Variants in AKAP13 observed in about 807,000 individuals in gnomAD.
The protein encoded by AKAP13 is A-kinase anchoring protein 13, also known as A-kinase anchor protein 13.
A neutral mutation model predicts 264.5 loss-of-function variants in AKAP13; 80 were observed. The observed-to-expected ratio is 0.30, with a 90% confidence interval of 0.25 to 0.36. The LOEUF is 0.36. Among genes scored for constraint, AKAP13 ranks in the 10% least tolerant of loss-of-function variants. The pLI is 1.00. For missense variants in AKAP13, 3,712 were observed against 3,435.2 expected (o/e 1.08, Z -2.01); for synonymous variants, 1,380 against 1,250.2 (o/e 1.10, Z -2.19).
In AKAP13 at chr15:85,744,894, T is replaced by C; in HGVS notation, c.*217T>C. On this transcript the variant is annotated 3_prime_UTR_variant, in exon 37 of 37. Transcript: ENST00000394518. ...CTCTGCTTCGGCCATGATTTGTGAC[T>C]GCCCAGGACTCTCAGGTTGGGCTGG... 1 of 489,432 alleles carries C rather than the reference T, an allele frequency of 2.0e-6. No homozygotes were observed. The highest frequency in any genetic ancestry group is 5.3e-4 in the Middle Eastern group (1 of 1,900). The allele number at this position is 489,432 out of a possible 1,614,324, so 30.3% of individuals were successfully genotyped here. A position where few individuals can be genotyped will look rare whatever the true frequency, so the allele number is the denominator to read the frequency against.
chr15:85,541,838 G>A (rs770764768), intron 4 of AKAP13, among the ~76,000 whole-genome samples: 1 of 152,218 alleles, frequency 6.6e-6, no homozygotes, highest in African/African-American at 2.4e-5. Context: ...CACAAAAGCA[G>A]ATGTGGTACC....
intron 8 of AKAP13, among the ~76,000 whole-genome samples, chr15:85,630,028 C>T (rs2081632394): frequency 6.6e-6 from 1 of 151,840 alleles, no homozygotes; most frequent in African/African-American, 2.4e-5. Context: ...TTGCCAAATT[C>T]AGTAACTTCT....
intron 3 of AKAP13, among the ~76,000 whole-genome samples, chr15:85,524,869 A>G (rs1430628600): frequency 1.8e-5 from 2 of 112,414 alleles, no homozygotes; most frequent in Admixed American, 9.1e-5. Context: ...CTCTTTCCCC[A>G]TTCCCCTGTG....
chr15:85,407,014 TAATATATTTTA>T, intron 1 of AKAP13, among the ~76,000 whole-genome samples: 1 of 151,688 alleles, frequency 6.6e-6, no homozygotes, highest in Non-Finnish European at 1.5e-5. Context: ...AAAACAGAAA[TAATATATTTTA>T]TGCTAGTTAC....
intron 17 of AKAP13, among the ~76,000 whole-genome samples, chr15:85,694,904 T>C (rs1018443981): frequency 2.6e-5 from 4 of 152,254 alleles, no homozygotes; most frequent in African/African-American, 9.6e-5. Context: ...GTCATTTATG[T>C]TGGATATCCC....
intron 2 of AKAP13, among the ~76,000 whole-genome samples, chr15:85,501,792 A>G (rs2076044133): frequency 6.6e-6 from 1 of 152,006 alleles, no homozygotes; most frequent in African/African-American, 2.4e-5. Flanking sequence ...TAATGATGTC[A>G]GTATATTGCT....
rs2079137316 is a variant in AKAP13, at chr15:85,581,187, CCGCTCTGT to C, written c.3120_3127del (p.Leu1042MetfsTer8). 3.1e-6 allele frequency: 5 copies of C among 1,614,064 alleles called. No homozygotes were observed. Among genetic ancestry groups the C allele is most frequent in the Admixed American group, 1.7e-5 (1 of 60,006 alleles). On this transcript the variant is annotated frameshift_variant, in exon 7 of 37. Transcript: ENST00000394518. LOFTEE classifies it high-confidence loss of function. ...GCCTTGGGGGCAGAGCACAACAGCT[CCGCTCTGT>C]TGCCATGTCTGTTGCCAGATGGGTC... is the stretch of plus-strand genomic sequence containing the variant.
chr15:85,466,637 T>C (rs1223718217), intron 1 of AKAP13, among the ~76,000 whole-genome samples: 1 of 152,262 alleles, frequency 6.6e-6, no homozygotes, highest in African/African-American at 2.4e-5. Context: ...TTGAATCCTT[T>C]GGCAGATTCA....
chr15:85,651,871 A>T (rs1038662735), intron 10 of AKAP13, among the ~76,000 whole-genome samples: 1 of 152,206 alleles, frequency 6.6e-6, no homozygotes, highest in African/African-American at 2.4e-5. Flanking sequence ...TAGGATTCGA[A>T]TTCTTAGATT....
chr15:85,470,939 A>G (rs79745548), intron 1 of AKAP13, among the ~76,000 whole-genome samples: 2,041 of 152,280 alleles, frequency 0.013, 59 homozygotes, highest in African/African-American at 0.047. Flanking sequence ...TATCCTTATT[A>G]TCTATTCACT....
intron 16 of AKAP13, among the ~76,000 whole-genome samples, chr15:85,690,577 CT>C (rs2085224900): frequency 6.6e-6 from 1 of 152,190 alleles, no homozygotes; most frequent in Non-Finnish European, 1.5e-5. Flanking sequence ...AGTAATTTGG[CT>C]CTTAGATGTT....
At chr15:85,538,951 C>T (rs997152524) in intron 4 of AKAP13, among the ~76,000 whole-genome samples, 34 of 151,348 alleles carry the variant, frequency 2.2e-4, no homozygotes, top group Non-Finnish European at 2.9e-5. Flanking sequence ...CTGCCTCAGC[C>T]TCTTGAGTAG....
At chr15:85,437,871 G>A (rs2073391991) in intron 1 of AKAP13, among the ~76,000 whole-genome samples, 1 of 150,986 alleles carries the variant, frequency 6.6e-6, no homozygotes, top group Non-Finnish European at 1.5e-5. Context: ...TACTGAATGG[G>A]CAAAAACTGG....
At chr15:85,624,088 G>A (rs1295059597) in intron 8 of AKAP13, among the ~76,000 whole-genome samples, 37 of 152,212 alleles carry the variant, frequency 2.4e-4, no homozygotes, top group Non-Finnish European at 2.2e-4. Flanking sequence ...CCAAAAGGAA[G>A]CAGGTCAGAA....
At chr15:85,518,954 C>G (rs546003139) in intron 2 of AKAP13, among the ~76,000 whole-genome samples, 62 of 152,278 alleles carry the variant, frequency 4.1e-4, no homozygotes, top group African/African-American at 1.3e-3. Flanking sequence ...TCCTCTGTCC[C>G]CAAAGGAAGG....
At chr15:85,388,229 G>A (rs2070680920) in intron 1 of AKAP13, among the ~76,000 whole-genome samples, 1 of 151,404 alleles carries the variant, frequency 6.6e-6, no homozygotes, top group African/African-American at 2.4e-5. Flanking sequence ...TTTTTAAGTG[G>A]AGACTGGGTT....
chr15:85,555,201 C>T (rs1254608496), intron 5 of AKAP13, among the ~76,000 whole-genome samples: 1 of 152,114 alleles, frequency 6.6e-6, no homozygotes, highest in African/African-American at 2.4e-5. Context: ...CCACCCCCTA[C>T]CCCTTTCTGG....
chr15:85,398,430 T>G (rs1273395863), intron 1 of AKAP13, among the ~76,000 whole-genome samples: 1 of 152,166 alleles, frequency 6.6e-6, no homozygotes, highest in East Asian at 1.9e-4. Context: ...TGAAAACTTG[T>G]AGAGAGAGAG....
chr15:85,731,034 C>A (rs897962215), intron 30 of AKAP13, among the ~76,000 whole-genome samples: 10 of 103,280 alleles, frequency 9.7e-5, no homozygotes, highest in African/African-American at 3.9e-4. Flanking sequence ...CAGGATCTTG[C>A]TGCTCTGTTT....
Sources: gnomAD v4.1 joint callset for allele counts (sites outside exome capture counted in the v4.1 genomes callset) on GRCh38, gnomAD v4.1.1 for gene constraint, MANE v1.5 for transcripts, NCBI Gene and HGNC (gene_info 2026-07-23, HGNC 2026-07-21) for gene names.